The following TLN2 variants were observed in gnomAD, a reference collection of about 807,000 sequenced individuals.
The protein encoded by TLN2 is talin-2.
TLN2 carries 118 observed loss-of-function variants against 294.7 expected under a neutral mutation model. The ratio of observed to expected loss-of-function variants is 0.40; its 90% CI spans 0.34 to 0.47. The LOEUF (loss-of-function observed/expected upper bound fraction) is 0.47. Among genes scored for constraint, TLN2 ranks in the 20% least tolerant of loss-of-function variants. The probability of loss-of-function intolerance (pLI) is 0.84; values close to 1 mark genes in which losing one functional copy is unlikely to be tolerated. For missense variants in TLN2, 3,083 were observed against 3,282.2 expected, an observed-to-expected ratio of 0.94 and a Z score of 1.48; for synonymous variants, 1,431 against 1,304.5, an observed-to-expected ratio of 1.10 and a Z score of -2.09.
intron 12 of TLN2, among the ~76,000 whole-genome samples, chr15:62,690,732 T>C (rs1158680263): frequency 6.7e-6 from 1 of 150,150 alleles, no homozygotes; most frequent in East Asian, 1.9e-4. Context: ...CATTGAGCAC[T>C]GAGTGAACCA....
In TLN2 at chr15:62,686,731, G is replaced by T. The variant is rs761185045; in HGVS notation, c.1048G>T (p.Val350Leu). The T allele has an allele frequency of 6.2e-6, 10 of 1,613,954 alleles. No homozygotes were observed. The highest frequency in any genetic ancestry group is 8.5e-6 in the Non-Finnish European group (10 of 1,179,936). The change falls in exon 12 of 59, where the codon GTG (valine) becomes TTG (leucine). Residue 350 changes from valine (V) to leucine (L), a missense_variant. Val to Leu is a conservative substitution (Grantham distance 32). Transcript: ENST00000636159. ...VMRVDEKTKE[V>L]LQEWPLTTVK... is the part of the protein sequence containing the mutation. ...GCGCGTGGATGAGAAGACCAAGGAA[G>T]TGCTGCAGGAGTGGCCCCTCACCAC...
Position 62,820,584 on chromosome 15 carries a change from C to G in TLN2, c.6976C>G (p.Gln2326Glu). ...CGAAGCTGCTGCTAAGAAGTTAGAG[C>G]AACTGAAGCCAAGAGCAAAACCAAA... Reference protein sequence around the residue: ...SIEAAAKKLEQLKPRAKPKQA... With the variant: ...SIEAAAKKLEELKPRAKPKQA... Residue 2326 changes from glutamine to glutamate, a missense_variant, in exon 54 of 59, where the codon CAA (glutamine) becomes GAA (glutamate). Physicochemically the swap from Gln to Glu is conservative, Grantham distance 29. Coordinates refer to ENST00000636159, the MANE Select transcript of TLN2 (RefSeq NM_015059.3). 1 of 1,613,686 alleles carries G rather than the reference C, an allele frequency of 6.2e-7. No individual in the cohort carries two copies. Among genetic ancestry groups the G allele is most frequent in the Non-Finnish European group, 8.5e-7 (1 of 1,179,784 alleles).
chr15:62,697,801 G>T lies in TLN2; in HGVS notation c.1406G>T (p.Gly469Val), dbSNP rs2058452204. 1 of 1,612,846 alleles carries T rather than the reference G, an allele frequency of 6.2e-7. No individual in the cohort carries two copies. Among genetic ancestry groups the T allele is most frequent in the Non-Finnish European group, 8.5e-7 (1 of 1,179,742 alleles). The change falls in exon 15 of 59, where the codon GGC (glycine) becomes GTC (valine). Residue 469 changes from glycine (G) to valine (V), a missense_variant. Physicochemically the swap from Gly to Val is moderately radical, Grantham distance 109. Coordinates refer to ENST00000636159, the MANE Select transcript of TLN2 (RefSeq NM_015059.3). ...AGCGGGCCTGAGACCTTCAACGTTG[G>T]CAGCATGCCCTCGCCACAGCAGCAG... ...GSSGPETFNV[G>V]SMPSPQQQVM...
chr15:62,740,611 G>A lies in TLN2; in HGVS notation c.3886-19G>A. On this transcript the variant is annotated intron_variant, in intron 31 of 58. Coordinates refer to ENST00000636159, the MANE Select transcript of TLN2 (RefSeq NM_015059.3). ...AAATGGACAGGCCCTAATAGCTCCG[G>A]CTCCTTTTGACCTTCCAGACAAAAG... The A allele has an allele frequency of 6.2e-7, 1 of 1,613,932 alleles. No homozygotes were observed. Among genetic ancestry groups the A allele is most frequent in the Non-Finnish European group, 8.5e-7 (1 of 1,179,946 alleles).
chr15:62,767,521 T>C (rs1175563236), intron 41 of TLN2, among the ~76,000 whole-genome samples: 1 of 152,156 alleles, frequency 6.6e-6, no homozygotes, highest in African/African-American at 2.4e-5. Flanking sequence ...TTTGTATTAG[T>C]AGAGACGGGG....
intron 54 of TLN2, chr15:62,831,702 C>G (rs2068865941): frequency 6.6e-6 from 1 of 152,188 alleles, no homozygotes; most frequent in South Asian, 2.1e-4. Context: ...ATGCACAAGT[C>G]TGTCTCAGAA....
chr15:62,713,671 T>TC (rs1298805083), intron 22 of TLN2, among the ~76,000 whole-genome samples: 1 of 151,772 alleles, frequency 6.6e-6, no homozygotes, highest in African/African-American at 2.4e-5. Context: ...ACTGCAAGAC[T>TC]CTGTCTCAAA....
intron 9 of TLN2, among the ~76,000 whole-genome samples, chr15:62,673,310 C>CTTTTTTTGTTTTTTTTTTT (rs2055687048): frequency 2.3e-5 from 1 of 42,856 alleles, no homozygotes; most frequent in Non-Finnish European, 4.3e-5. Context: ...TTAGATGTTG[C>CTTTTTTTGTTTTTTTTTTT]TTTTTTTTTT....
intron 1 of TLN2, among the ~76,000 whole-genome samples, chr15:62,546,252 C>T (rs926493132): frequency 1.3e-5 from 2 of 152,140 alleles, no homozygotes; most frequent in Non-Finnish European, 2.9e-5. Flanking sequence ...TTGATGAAAT[C>T]GATTCTTGCT....
intron 52 of TLN2, among the ~76,000 whole-genome samples, chr15:62,812,735 C>T (rs1374421213): frequency 6.6e-6 from 1 of 152,160 alleles, no homozygotes; most frequent in Non-Finnish European, 1.5e-5. Flanking sequence ...CCTCTCCATG[C>T]CCACCTCGTT....
chr15:62,553,833 C>T (rs899632529), intron 1 of TLN2, among the ~76,000 whole-genome samples: 4 of 151,876 alleles, frequency 2.6e-5, no homozygotes, highest in Admixed American at 2.6e-4. Flanking sequence ...TATTAAAATG[C>T]TTAAGTTGTC....
At chr15:62,540,691 C>T (rs911950502) in intron 1 of TLN2, among the ~76,000 whole-genome samples, 7 of 152,060 alleles carry the variant, frequency 4.6e-5, no homozygotes, top group African/African-American at 1.4e-4. Context: ...GAGAGATAAG[C>T]ATGTGCCAGA....
chr15:62,505,123 A>AT (rs200018120), intron 1 of TLN2, among the ~76,000 whole-genome samples: 6,393 of 151,710 alleles, frequency 0.042, 457 homozygotes, highest in African/African-American at 0.15. Context: ...TGCCCAGCTA[A>AT]TTTTTTTGTA....
chr15:62,843,172 G>C lies in TLN2; in HGVS notation c.*2562G>C, dbSNP rs2070875412. On this transcript the variant is annotated 3_prime_UTR_variant, in exon 59 of 59. Transcript: ENST00000636159. ...GCATAGAAGTGTATCTCTGTGAAGA[G>C]AGAGCCGGTGTGTTGACATGTGGTT... 6.6e-6 allele frequency: 1 copy of C among 152,166 alleles called. No homozygotes were observed. The highest frequency in any genetic ancestry group is 2.1e-4 in the South Asian group (1 of 4,818). The allele number at this position is 152,166 out of a possible 1,614,324, so 9.4% of individuals were successfully genotyped here. A position where few individuals can be genotyped will look rare whatever the true frequency, so the allele number is the denominator to read the frequency against.
At chr15:62,450,682 C>T (rs188810225) in intron 1 of TLN2, among the ~76,000 whole-genome samples, 3 of 152,148 alleles carry the variant, frequency 2.0e-5, no homozygotes, top group Non-Finnish European at 2.9e-5. Context: ...TCAAGATATC[C>T]TCCTGCCTTA....
chr15:62,535,267 C>T (rs1013918295), intron 1 of TLN2, among the ~76,000 whole-genome samples: 5 of 152,126 alleles, frequency 3.3e-5, no homozygotes, highest in Non-Finnish European at 7.4e-5. Flanking sequence ...ACTTCCAAAA[C>T]TCAGAAACCT....
intron 2 of TLN2, among the ~76,000 whole-genome samples, chr15:62,609,315 T>C (rs1201984812): frequency 6.6e-6 from 1 of 152,214 alleles, no homozygotes; most frequent in Non-Finnish European, 1.5e-5. Context: ...TACAAAAGGA[T>C]ATTCTTGAAC....
At chr15:62,491,361 C>T (rs964018533) in intron 1 of TLN2, among the ~76,000 whole-genome samples, 36 of 117,640 alleles carry the variant, frequency 3.1e-4, no homozygotes, top group Middle Eastern at 3.8e-3. Flanking sequence ...TACACACACA[C>T]ACACACACAC....
At chr15:62,464,124 G>A (rs903800575) in intron 1 of TLN2, among the ~76,000 whole-genome samples, 2 of 152,154 alleles carry the variant, frequency 1.3e-5, no homozygotes, top group East Asian at 1.9e-4. Flanking sequence ...ACACACAAAC[G>A]TGTGTTTATT....
Sources: gnomAD v4.1 joint callset for allele counts (sites outside exome capture counted in the v4.1 genomes callset) on GRCh38, gnomAD v4.1.1 for gene constraint, MANE v1.5 for transcripts, NCBI Gene and HGNC (gene_info 2026-07-23, HGNC 2026-07-21) for gene names.